The following LDLRAD3 variants were observed in gnomAD, a reference collection of about 807,000 sequenced individuals.
LDLRAD3 encodes low density lipoprotein receptor class A domain containing 3.
LDLRAD3 carries 20 observed loss-of-function variants against 29.4 expected under a neutral mutation model. That is an observed-to-expected ratio of 0.68 (90% CI 0.48 to 0.99). LDLRAD3 has a LOEUF of 0.99. Ranked by LOEUF, LDLRAD3 falls within the 50% of genes least tolerant of loss-of-function variation. The pLI, the probability that LDLRAD3 is intolerant of heterozygous loss-of-function variation, is 0.00. For missense variants in LDLRAD3, 420 were observed against 454.3 expected (o/e 0.92, Z 0.69); for synonymous variants, 157 against 192.7 (o/e 0.81, Z 1.53).
intron 4 of LDLRAD3, among the ~76,000 whole-genome samples, chr11:36,199,745 TTA>T (rs1375528206): frequency 1.3e-5 from 2 of 152,246 alleles, no homozygotes; most frequent in Non-Finnish European, 2.9e-5. Context: ...GATTTTTCTC[TTA>T]TATTTTCCTT....
intron 1 of LDLRAD3, among the ~76,000 whole-genome samples, chr11:36,032,269 G>T (rs1211484354): frequency 6.6e-6 from 1 of 152,156 alleles, no homozygotes; most frequent in Non-Finnish European, 1.5e-5. Context: ...GAATGTCCGG[G>T]GTCAGCAAAC....
At chr11:36,178,722 C>A (rs1431651375) in intron 4 of LDLRAD3, among the ~76,000 whole-genome samples, 1 of 152,190 alleles carries the variant, frequency 6.6e-6, no homozygotes. Flanking sequence ...AAAGTTGTTT[C>A]CATCCTTCAA....
intron 2 of LDLRAD3, among the ~76,000 whole-genome samples, chr11:36,066,033 CCTT>C (rs1356769455): frequency 2.6e-5 from 4 of 152,110 alleles, no homozygotes; most frequent in Non-Finnish European, 5.9e-5. Flanking sequence ...AAAAGTAAAC[CCTT>C]CTTCTTTTGG....
intron 4 of LDLRAD3, among the ~76,000 whole-genome samples, chr11:36,123,877 T>A (rs1209508914): frequency 6.6e-6 from 1 of 152,194 alleles, no homozygotes; most frequent in Non-Finnish European, 1.5e-5. Flanking sequence ...TTTTATTGAG[T>A]CTGCCTCCGC....
At chr11:36,181,870 C>T (rs1854768855) in intron 4 of LDLRAD3, among the ~76,000 whole-genome samples, 1 of 152,052 alleles carries the variant, frequency 6.6e-6, no homozygotes, top group Non-Finnish European at 1.5e-5. Flanking sequence ...AGTTGTCAAC[C>T]GTCTCCTCTC....
chr11:36,202,419 C>T (rs1203607010), intron 4 of LDLRAD3, among the ~76,000 whole-genome samples: 4 of 152,168 alleles, frequency 2.6e-5, no homozygotes, highest in Admixed American at 2.0e-4. Context: ...CAGCACCTCT[C>T]ACGGTTGAGC....
chr11:36,077,735 T>C (rs905530271), intron 2 of LDLRAD3, among the ~76,000 whole-genome samples: 3 of 152,180 alleles, frequency 2.0e-5, no homozygotes, highest in Non-Finnish European at 4.4e-5. Context: ...CTAAAGAGTG[T>C]ATCACAAACC....
At chr11:36,118,189 C>G (rs1477302129) in intron 4 of LDLRAD3, among the ~76,000 whole-genome samples, 1 of 152,078 alleles carries the variant, frequency 6.6e-6, no homozygotes, top group African/African-American at 2.4e-5. Context: ...ACCAATAGTA[C>G]TCTGGTTGAA....
intron 1 of LDLRAD3, among the ~76,000 whole-genome samples, chr11:35,949,836 C>T (rs928220236): frequency 2.6e-5 from 4 of 152,190 alleles, no homozygotes; most frequent in Non-Finnish European, 4.4e-5. Context: ...CAGAGGAGGA[C>T]GATGGCTTCC....
At chr11:36,094,698 A>T (rs1281531621) in intron 3 of LDLRAD3, among the ~76,000 whole-genome samples, 3 of 151,916 alleles carry the variant, frequency 2.0e-5, no homozygotes, top group African/African-American at 7.3e-5. Flanking sequence ...ACTACCACCC[A>T]GCTAATTTTT....
intron 4 of LDLRAD3, among the ~76,000 whole-genome samples, chr11:36,113,191 G>C (rs1352264687): frequency 6.6e-6 from 1 of 152,136 alleles, no homozygotes; most frequent in Non-Finnish European, 1.5e-5. Context: ...TTCTGTATTA[G>C]TTAGAACATA....
intron 2 of LDLRAD3, among the ~76,000 whole-genome samples, chr11:36,065,145 T>C (rs1346490148): frequency 6.6e-6 from 1 of 152,230 alleles, no homozygotes; most frequent in East Asian, 1.9e-4. Context: ...TTTAACTGAC[T>C]ATTTCTTCCT....
chr11:36,073,023 T>A (rs1852933045), intron 2 of LDLRAD3, among the ~76,000 whole-genome samples: 1 of 152,196 alleles, frequency 6.6e-6, no homozygotes, highest in South Asian at 2.1e-4. Context: ...AGACTTTGCC[T>A]TCCTGTATTT....
At chr11:36,068,376 A>C (rs1268184918) in intron 2 of LDLRAD3, among the ~76,000 whole-genome samples, 3 of 152,168 alleles carry the variant, frequency 2.0e-5, no homozygotes, top group Non-Finnish European at 4.4e-5. Flanking sequence ...GCAAAATCTC[A>C]TTTTATTTTC....
rs528686480 is a variant in LDLRAD3 at position 36,026,029 on chromosome 11, C to T, written c.47-10074C>T. Among the ~76,000 whole-genome samples the T allele has an allele frequency of 5.3e-5, 8 of 152,076 alleles. No individual in the cohort carries two copies. The East Asian group carries it at 1.4e-3, about 26-fold the overall frequency. ...TCCCGACCTTAGATGATCTGCCCGCCTTGGCCTCCCAAAGTGCTGGGATTA... is the reference window on the plus strand; with the variant it reads ...TCCCGACCTTAGATGATCTGCCCGCTTTGGCCTCCCAAAGTGCTGGGATTA... On this transcript the variant is annotated intron_variant, in intron 1 of 5. Transcript: ENST00000315571.
At chr11:35,961,610 A>C (rs1344291396) in intron 1 of LDLRAD3, among the ~76,000 whole-genome samples, 1 of 152,162 alleles carries the variant, frequency 6.6e-6, no homozygotes, top group Non-Finnish European at 1.5e-5. Flanking sequence ...CATTTATCTC[A>C]AACCCCCAGT....
intron 1 of LDLRAD3, among the ~76,000 whole-genome samples, chr11:35,958,716 A>G (rs1017150998): frequency 1.3e-5 from 2 of 151,452 alleles, no homozygotes; most frequent in Non-Finnish European, 2.9e-5. Context: ...TCAATTAACT[A>G]CCCCCTACAT....
intron 1 of LDLRAD3, among the ~76,000 whole-genome samples, chr11:36,013,294 T>A (rs898738429): frequency 6.6e-6 from 1 of 152,198 alleles, no homozygotes; most frequent in African/African-American, 2.4e-5. Flanking sequence ...TGTTTCTTCT[T>A]CTTCTTTTTT....
At chr11:36,001,458 G>A (rs1412051496) in intron 1 of LDLRAD3, among the ~76,000 whole-genome samples, 1 of 152,076 alleles carries the variant, frequency 6.6e-6, no homozygotes, top group East Asian at 1.9e-4. Flanking sequence ...ATTCTTTATT[G>A]AGCTCCATGT....
Sources: gnomAD v4.1 joint callset for allele counts (sites outside exome capture counted in the v4.1 genomes callset) on GRCh38, gnomAD v4.1.1 for gene constraint, MANE v1.5 for transcripts, NCBI Gene and HGNC (gene_info 2026-07-23, HGNC 2026-07-21) for gene names.